The following SLC44A2 variants were observed in gnomAD, a reference collection of about 807,000 sequenced individuals.
SLC44A2 encodes the protein solute carrier family 44 member 2 (CTL2 blood group).
A neutral mutation model predicts 90.8 loss-of-function variants in SLC44A2; 57 were observed. The ratio of observed to expected loss-of-function variants is 0.63; its 90% CI spans 0.51 to 0.78. SLC44A2 has a LOEUF of 0.78. Ranked by LOEUF, SLC44A2 falls within the 30% of genes least tolerant of loss-of-function variation. SLC44A2 has a pLI of 0.00. For synonymous variants in SLC44A2, 355 were observed against 360.7 expected (o/e 0.98, Z 0.18); for missense variants, 794 against 919.7 (o/e 0.86, Z 1.77).
chr19:10,612,939 T>C (rs1294710507), intron 1 of SLC44A2, among the ~76,000 whole-genome samples: 1 of 152,220 alleles, frequency 6.6e-6, no homozygotes, highest in East Asian at 1.9e-4. Context: ...GTTTGACTCC[T>C]GGCTGTGCTC....
intron 1 of SLC44A2, among the ~76,000 whole-genome samples, chr19:10,604,790 A>G (rs1918053447): frequency 6.6e-6 from 1 of 152,278 alleles, no homozygotes; most frequent in South Asian, 2.1e-4. Context: ...TACTGGGGAC[A>G]TGGCTTTCCC....
intron 1 of SLC44A2, among the ~76,000 whole-genome samples, chr19:10,619,095 C>A (rs967736710): frequency 2.6e-5 from 4 of 151,392 alleles, no homozygotes; most frequent in African/African-American, 9.7e-5. Flanking sequence ...CCTAGGCTTC[C>A]CCAGTAGCTG....
At chr19:10,628,134 C>T (rs752805565) in intron 4 of SLC44A2, 130 bp downstream of exon 4, 284 of 825,876 alleles carry the variant, frequency 3.4e-4, no homozygotes, top group Non-Finnish European at 4.8e-4. Context: ...CCCGAAATTC[C>T]AACACTTTGG....
chr19:10,632,392 C>T (rs1045685702), intron 10 of SLC44A2, among the ~76,000 whole-genome samples: 5 of 151,738 alleles, frequency 3.3e-5, no homozygotes, highest in Admixed American at 6.6e-5. Flanking sequence ...CAAAATCAGC[C>T]GGGCATGGAG....
chr19:10,630,378 C>T (rs367701209), intron 4 of SLC44A2, among the ~76,000 whole-genome samples: 3 of 151,992 alleles, frequency 2.0e-5, no homozygotes, highest in Non-Finnish European at 4.4e-5. Context: ...CAAAAGAGGC[C>T]GGGCGCAGTG....
chr19:10,607,589 A>G (rs1918146215), intron 1 of SLC44A2, among the ~76,000 whole-genome samples: 1 of 150,254 alleles, frequency 6.7e-6, no homozygotes, highest in Non-Finnish European at 1.5e-5. Context: ...GTCCTGGGCT[A>G]AAGCAATCCT....
rs2144901554 is a variant in SLC44A2 at position 10,643,368 on chromosome 19, A to G, written c.2104A>G (p.Lys702Glu). 6.2e-7 allele frequency: 1 copy of G among 1,612,394 alleles called. No homozygotes were observed. The highest frequency in any genetic ancestry group is 2.2e-5 in the East Asian group (1 of 44,860). The change falls in exon 22 of 22, where the codon AAG becomes GAG. Residue 702 changes from lysine (K) to glutamate (E), a missense_variant. Physicochemically the swap from Lys to Glu is moderately conservative, Grantham distance 56 (BLOSUM62 1). Transcript: ENST00000335757. ...LKKLLNKTNK[K>E]AAES ...GAAACTCTTGAACAAGACCAACAAG[A>G]AGGCAGCGGAGTCCTGAAGGCCCCG...
chr19:10,641,292 C>T (rs906682749), intron 20 of SLC44A2: 1 of 384,486 alleles, frequency 2.6e-6, no homozygotes, highest in Non-Finnish European at 5.1e-6. Flanking sequence ...TCCTTGTAAG[C>T]CTGAGGTGGA....
At position 10,631,715 on chromosome 19, in the gene SLC44A2, C is replaced by T. The variant is rs370188486; in HGVS notation, c.592C>T (p.Arg198Trp). 2.5e-5 allele frequency: 40 copies of T among 1,613,024 alleles called. No individual in the cohort carries two copies. Among genetic ancestry groups the T allele is most frequent in the Middle Eastern group, 1.6e-4 (1 of 6,062 alleles). ...ETTYEDGHGS[R>W]KNITDLVEGA... is the part of the protein sequence containing the mutation. The stretch of plus-strand genomic sequence containing the variant: ...GACCTATGAGGATGGGCATGGCTCC[C>T]GGAAAAACATCACAGACCTGGTGGA... The change falls in exon 8 of 22, where the codon CGG becomes TGG. Residue 198 changes from arginine (R) to tryptophan (W), a missense_variant. By Grantham distance (101) the Arg-to-Trp change is moderately radical. Transcript: ENST00000335757.
rs1003415550 is a variant in SLC44A2 at position 10,627,795 on chromosome 19, G to C, written c.160G>C (p.Ala54Pro). The part of the protein sequence containing the change: ...IVGYVAVGII[A>P]WTHGDPRKVI... ...GGGCTACGTGGCTGTAGGCATCATAGGTGAGTAGAGAATGAGCAGGACTTG... is the reference window on the plus strand; with the variant it reads ...GGGCTACGTGGCTGTAGGCATCATACGTGAGTAGAGAATGAGCAGGACTTG... Residue 54 changes from alanine (A) to proline (P), a missense_variant and splice_region_variant, in exon 3 of 22, where the codon GCC (alanine) becomes CCC (proline). Physicochemically the swap from Ala to Pro is conservative, Grantham distance 27. Transcript: ENST00000335757. The C allele has an allele frequency of 1.2e-6, 2 of 1,614,116 alleles. No homozygotes were observed. The highest frequency in any genetic ancestry group is 2.7e-5 in the African/African-American group (2 of 75,056).
At chr19:10,635,138 C>A in intron 12 of SLC44A2, 25 bp from the exon 13 acceptor site, 1 of 1,613,688 alleles carries the variant, frequency 6.2e-7, no homozygotes, top group Non-Finnish European at 8.5e-7. Context: ...TTTGCCCTGA[C>A]GCCTGTGTCT....
At chr19:10,632,447 A>G (rs1220910144) in intron 10 of SLC44A2, among the ~76,000 whole-genome samples, 2 of 151,040 alleles carry the variant, frequency 1.3e-5, no homozygotes, top group Non-Finnish European at 3.0e-5. Flanking sequence ...GAGGCAGGAG[A>G]ATCGCTTGAA....
chr19:10,641,404 CAAAA>C (rs749092883), intron 20 of SLC44A2: 3 of 375,158 alleles, frequency 8.0e-6, no homozygotes, highest in Non-Finnish European at 1.1e-5. Context: ...AAAAAAAAAA[CAAAA>C]AAAAAACGCC....
intron 1 of SLC44A2, among the ~76,000 whole-genome samples, chr19:10,620,047 G>A (rs1015983067): frequency 6.6e-6 from 1 of 152,116 alleles, no homozygotes; most frequent in African/African-American, 2.4e-5. Context: ...GTGCAATGGT[G>A]TGTGGGTAGT....
intron 13 of SLC44A2, 42 bp from the exon 14 acceptor site, chr19:10,635,389 G>T (rs763564531): frequency 6.2e-7 from 1 of 1,610,934 alleles, no homozygotes; most frequent in South Asian, 1.1e-5. Context: ...AAGTCCCTGG[G>T]GTCCTCAGTC....
intron 16 of SLC44A2, 161 bp from the exon 17 acceptor site, chr19:10,637,483 C>T (rs2067070572): frequency 1.6e-6 from 1 of 640,850 alleles, no homozygotes; most frequent in East Asian, 2.7e-5. Context: ...ACCATCATAG[C>T]TCACTGCAGC....
chr19:10,643,607 G>C lies in SLC44A2; in HGVS notation c.*222G>C. On this transcript the variant is annotated 3_prime_UTR_variant, in exon 22 of 22. Transcript: ENST00000335757. ...TTTCATGGCTGCCCCTCCAGACTGC[G>C]AGAAACAAGTAAAAACCCATTGGGG... is the stretch of plus-strand genomic sequence containing the variant. The C allele has an allele frequency of 2.1e-6, 1 of 471,956 alleles. No homozygotes were observed. Among genetic ancestry groups the C allele is most frequent in the Non-Finnish European group, 3.7e-6 (1 of 270,404 alleles). The allele number at this position is 471,956 out of a possible 1,614,324, so 29.2% of individuals were successfully genotyped here.
At chr19:10,631,018 A>AG (rs2066988336) in intron 4 of SLC44A2, 39 bp from the exon 5 acceptor site, 2 of 1,554,440 alleles carry the variant, frequency 1.3e-6, no homozygotes, top group African/African-American at 1.4e-5. Context: ...AAAAAAAAAA[A>AG]AATCTTAACA....
At chr19:10,616,561 C>T (rs8106542) in intron 1 of SLC44A2, among the ~76,000 whole-genome samples, 125,879 of 151,914 alleles carry the variant, frequency 0.83, 52,438 homozygotes, top group African/African-American at 0.92. Context: ...TCTCTATTTT[C>T]ACTTTTATTT....
Sources: allele counts gnomAD v4.1 joint callset (sites outside exome capture counted in the v4.1 genomes callset), GRCh38; gene constraint gnomAD v4.1.1; transcripts MANE v1.5; gene names NCBI Gene and HGNC (gene_info 2026-07-23, HGNC 2026-07-21).